Variants in ARHGEF33 observed in about 807,000 individuals in gnomAD.
ARHGEF33 encodes the protein Rho guanine nucleotide exchange factor 33, also known as DH and coiled-coil domain-containing protein ENSP00000381780.
ARHGEF33 carries 72 observed loss-of-function variants against 101.9 expected under a neutral mutation model. The observed-to-expected ratio is 0.71, with a 90% confidence interval of 0.58 to 0.86. ARHGEF33 has a LOEUF of 0.86. ARHGEF33 is among the 40% of genes least tolerant of loss of function. The probability of loss-of-function intolerance (pLI) is 0.00; values close to 1 mark genes in which losing one functional copy is unlikely to be tolerated. For missense variants in ARHGEF33, 1,169 were observed against 1,111.3 expected (o/e 1.05, Z -0.74); for synonymous variants, 499 against 442.5 (o/e 1.13, Z -1.60).
At chr2:38,967,427 C>A (rs931701523) in intron 17 of ARHGEF33, among the ~76,000 whole-genome samples, 5 of 152,226 alleles carry the variant, frequency 3.3e-5, no homozygotes, top group African/African-American at 9.7e-5. Flanking sequence ...CTCAACCCAC[C>A]TTACTCAGGA....
At chr2:38,946,437 T>C (rs1166352093) in intron 10 of ARHGEF33, among the ~76,000 whole-genome samples, 2 of 151,530 alleles carry the variant, frequency 1.3e-5, no homozygotes, top group Admixed American at 1.3e-4. Context: ...AACCTTCTTT[T>C]TTCTTTGCAT....
chr2:38,927,856 A>G (rs1413565240), intron 4 of ARHGEF33, among the ~76,000 whole-genome samples: 2 of 152,220 alleles, frequency 1.3e-5, no homozygotes, highest in African/African-American at 4.8e-5. Context: ...TGTTGTTACT[A>G]TTAACTTACT....
chr2:38,917,689 C>T (rs1001582019), intron 2 of ARHGEF33, among the ~76,000 whole-genome samples: 4 of 151,790 alleles, frequency 2.6e-5, no homozygotes, highest in Non-Finnish European at 5.9e-5. Context: ...ATTAGCCAGG[C>T]ATAGTGGCAT....
intron 4 of ARHGEF33, among the ~76,000 whole-genome samples, chr2:38,926,905 G>C (rs769800371): frequency 6.6e-6 from 1 of 151,726 alleles, no homozygotes; most frequent in Non-Finnish European, 1.5e-5. Flanking sequence ...ATACATTTTT[G>C]ATTTAATGTT....
intron 6 of ARHGEF33, 21 bp downstream of exon 6, chr2:38,929,851 T>C: frequency 6.5e-7 from 1 of 1,549,778 alleles, no homozygotes; most frequent in Non-Finnish European, 8.7e-7. Context: ...TTTAAAAATG[T>C]ACCAAAGGCA....
At chr2:38,942,737 A>G (rs1667346466) in intron 9 of ARHGEF33, among the ~76,000 whole-genome samples, 1 of 152,116 alleles carries the variant, frequency 6.6e-6, no homozygotes, top group Non-Finnish European at 1.5e-5. Flanking sequence ...TAAAAAAAAT[A>G]CGTATATATG....
At chr2:38,917,724 G>A (rs897918344) in intron 2 of ARHGEF33, among the ~76,000 whole-genome samples, 1 of 151,580 alleles carries the variant, frequency 6.6e-6, no homozygotes, top group African/African-American at 2.4e-5. Context: ...AGCTACTCAG[G>A]AGGCTGAGAT....
In ARHGEF33 at chr2:38,970,192, T is replaced by G. The variant is rs180927319; in HGVS notation, c.2484-3522T>G. Among the ~76,000 whole-genome samples the G allele has an allele frequency of 6.6e-5, 10 of 152,282 alleles. No homozygotes were observed. In the East Asian group the frequency reaches 1.9e-3, roughly 29 times the overall value. On this transcript the variant is annotated intron_variant, in intron 17 of 17. Transcript: ENST00000409978. ...TTTACATGTGTCAGAGTGTCTCCCT[T>G]CTCATCATCACCCTCCATTAATCCC... is the stretch of plus-strand genomic sequence containing the variant.
intron 15 of ARHGEF33, 36 bp from the exon 16 acceptor site, chr2:38,959,805 A>C: frequency 6.7e-7 from 1 of 1,499,136 alleles, no homozygotes; most frequent in Non-Finnish European, 8.9e-7. Context: ...ACCGGCCGTA[A>C]GCACAGCTCT....
chr2:38,960,728 G>T (rs1378317310), intron 16 of ARHGEF33, 80 bp downstream of exon 16: 19 of 1,128,956 alleles, frequency 1.7e-5, no homozygotes, highest in Non-Finnish European at 2.1e-5. Context: ...AGTTCTCCTA[G>T]CGTGGAGAGG....
chr2:38,960,541 G>GCGCAC lies in ARHGEF33; in HGVS notation c.2237_2241dup (p.Gly748ArgfsTer34). ...CATCAAGGCCGAGCGCGCCGCGCAGGCGCACGGCCCGGCCGCCGCCGCCGT... is the reference window on the plus strand; with the variant it reads ...CATCAAGGCCGAGCGCGCCGCGCAGGCGCACCGCACGGCCCGGCCGCCGCCGCCGT... On this transcript the variant is annotated frameshift_variant, in exon 16 of 18. Transcript: ENST00000409978. LOFTEE classifies it high-confidence loss of function. 7.9e-7 allele frequency: 1 copy of GCGCAC among 1,258,372 alleles called. No individual in the cohort carries two copies. Among genetic ancestry groups the GCGCAC allele is most frequent in the Non-Finnish European group, 1.0e-6 (1 of 997,054 alleles). The allele number at this position is 1,258,372 out of a possible 1,614,324, so 78.0% of individuals were successfully genotyped here. A position where few individuals can be genotyped will look rare whatever the true frequency, so the allele number is the denominator to read the frequency against.
chr2:38,916,793 AAT>A (rs1244785083), intron 2 of ARHGEF33, among the ~76,000 whole-genome samples: 9 of 151,066 alleles, frequency 6.0e-5, no homozygotes, highest in Middle Eastern at 3.4e-3. Flanking sequence ...CATATTTTAT[AAT>A]AAAGTCTTTT....
intron 4 of ARHGEF33, among the ~76,000 whole-genome samples, chr2:38,927,418 G>C (rs541508532): frequency 6.6e-6 from 1 of 152,172 alleles, no homozygotes; most frequent in Admixed American, 6.5e-5. Context: ...ACTTGAGGCC[G>C]GGCACAGTGG....
intron 5 of ARHGEF33, among the ~76,000 whole-genome samples, chr2:38,929,395 T>G (rs1028416688): frequency 2.6e-5 from 4 of 151,584 alleles, no homozygotes; most frequent in African/African-American, 9.7e-5. Context: ...GCCACTGCAC[T>G]CCAGCCTGGG....
intron 14 of ARHGEF33, 73 bp downstream of exon 14, chr2:38,957,120 T>A (rs972527994): frequency 6.6e-7 from 1 of 1,509,444 alleles, no homozygotes; most frequent in African/African-American, 1.4e-5. Flanking sequence ...GTAACCACGT[T>A]GTGTGTTAAG....
intron 4 of ARHGEF33, 98 bp downstream of exon 4, chr2:38,921,521 A>G (rs1301126315): frequency 7.3e-6 from 6 of 825,900 alleles, no homozygotes; most frequent in African/African-American, 1.7e-5. Context: ...AAGTGCTTCC[A>G]CATATATCGT....
intron 2 of ARHGEF33, among the ~76,000 whole-genome samples, chr2:38,911,888 A>T (rs1158178592): frequency 2.0e-5 from 3 of 152,102 alleles, no homozygotes; most frequent in African/African-American, 7.2e-5. Flanking sequence ...ATAAAAAAAT[A>T]AAAAAAGGAA....
In ARHGEF33 at chr2:38,959,851, C is replaced by T. The variant is rs370397237; in HGVS notation, c.1546C>T (p.Pro516Ser). The change falls in exon 16 of 18, where the codon CCC becomes TCC. Residue 516 changes from proline to serine, a missense_variant. Coordinates refer to ENST00000409978, the MANE Select transcript of ARHGEF33 (RefSeq NM_001145451.5). ...SSGPAITHLM[P>S]PVKKSQQQQS... ...GTTTTCCCCCTAAAGACATCTGATG[C>T]CCCCAGTGAAGAAAAGCCAACAGCA... 8 of 1,547,002 alleles carry T rather than the reference C, an allele frequency of 5.2e-6. No individual in the cohort carries two copies. The Admixed American group carries it at 7.9e-5, about 15-fold the overall frequency.
At chr2:38,917,255 C>G (rs1302011507) in intron 2 of ARHGEF33, among the ~76,000 whole-genome samples, 1 of 150,540 alleles carries the variant, frequency 6.6e-6, no homozygotes, top group African/African-American at 2.5e-5. Context: ...CCATGCCTGG[C>G]TAATTTTTGT....
Sources: allele counts gnomAD v4.1 joint callset (sites outside exome capture counted in the v4.1 genomes callset), GRCh38; gene constraint gnomAD v4.1.1; transcripts MANE v1.5; gene names NCBI Gene and HGNC (gene_info 2026-07-23, HGNC 2026-07-21).